The following NFIX variants were observed in gnomAD, a reference collection of about 807,000 sequenced individuals.
NFIX encodes the protein nuclear factor 1 X-type.
A neutral mutation model predicts 53.3 loss-of-function variants in NFIX; 2 were observed. The ratio of observed to expected loss-of-function variants is 0.04; its 90% CI spans 0.02 to 0.12. NFIX has a LOEUF of 0.12. Ranked by LOEUF, NFIX falls within the 10% of genes least tolerant of loss-of-function variation. The pLI is 1.00. For synonymous variants in NFIX, 244 were observed against 289.0 expected (o/e 0.84, Z 1.58); for missense variants, 310 against 674.5 (o/e 0.46, Z 5.99).
chr19:13,016,107 T>TA (rs1195257820), intron 1 of NFIX, among the ~76,000 whole-genome samples: 3 of 152,196 alleles, frequency 2.0e-5, no homozygotes, highest in African/African-American at 4.8e-5. Context: ...CGGCCTAACT[T>TA]ACAGTGTGTG....
In NFIX at chr19:13,001,717, T is replaced by TC. The variant is rs2011708514; in HGVS notation, c.27+5857dup. 1.3e-5 allele frequency among the ~76,000 whole-genome samples: 2 copies of TC among 152,292 alleles called. No individual in the cohort carries two copies. The highest frequency in any genetic ancestry group is 4.8e-5 in the African/African-American group (2 of 41,568). ...CATATCACTGTGCCTCCTGAGCTTG[T>TC]CCCCGTGACAATCACTGTGGGTCTC... On this transcript the variant is annotated intron_variant, in intron 1 of 10. Transcript: ENST00000592199. This position sits in a 1 kb window ranked among gnomAD's most constrained non-coding sequence, Gnocchi z 6.5.
rs138954003 is a variant in NFIX at position 13,040,658 on chromosome 19, C to T, written c.559+15106C>T. On this transcript the variant is annotated intron_variant, in intron 2 of 10. Coordinates refer to ENST00000592199, the MANE Select transcript of NFIX (RefSeq NM_001365902.3). This position sits in a 1 kb window ranked among gnomAD's most constrained non-coding sequence, Gnocchi z 4.2. ...GGCCTCTCGGGTCAGAGATGACTGC[C>T]GTCCTCCAGCTGGTACATGTGCTTG... 6.6e-6 allele frequency among the ~76,000 whole-genome samples: 1 copy of T among 152,272 alleles called. No homozygotes were observed. Among genetic ancestry groups the T allele is most frequent in the African/African-American group, 2.4e-5 (1 of 41,548 alleles).
intron 2 of NFIX, among the ~76,000 whole-genome samples, chr19:13,069,375 CAG>C (rs1300376601): frequency 6.6e-6 from 1 of 152,200 alleles, no homozygotes; most frequent in East Asian, 1.9e-4. Flanking sequence ...CGGCCGATGA[CAG>C]AGGATAAAAG....
rs2017992915 is a variant in NFIX at position 13,089,271 on chromosome 19, TG to T, written c.1403-1025del. ...CAGAATCTGGTGAGCATGGAGTCCC[TG>T]GGTGTGTCTGGTGCAGGGCAGCGGC... On this transcript the variant is annotated intron_variant, in intron 9 of 10. Transcript: ENST00000592199. This position sits in a 1 kb window ranked among gnomAD's most constrained non-coding sequence, Gnocchi z 4.8. Among the ~76,000 whole-genome samples, 1 of 152,146 alleles carries T rather than the reference TG, an allele frequency of 6.6e-6. No individual in the cohort carries two copies. The highest frequency in any genetic ancestry group is 1.5e-5 in the Non-Finnish European group (1 of 68,008).
rs1411928124 is a variant in NFIX, at chr19:13,088,745, C to G, written c.1402+609C>G. ...CCCCCCCTTCCATCCCTCTCCCGTC[C>G]CTTCTCCGCAATTCCTTTCCCAGGT... On this transcript the variant is annotated intron_variant, in intron 9 of 10. Transcript: ENST00000592199. This position sits in a 1 kb window ranked among gnomAD's most constrained non-coding sequence, Gnocchi z 5.9. Among the ~76,000 whole-genome samples the G allele has an allele frequency of 6.6e-6, 1 of 152,064 alleles. No homozygotes were observed. Among genetic ancestry groups the G allele is most frequent in the Non-Finnish European group, 1.5e-5 (1 of 68,016 alleles).
intron 1 of NFIX, among the ~76,000 whole-genome samples, chr19:13,023,583 G>A (rs1397637751): frequency 6.6e-6 from 1 of 151,664 alleles, no homozygotes; most frequent in Non-Finnish European, 1.5e-5. Flanking sequence ...TTGGTTGTGG[G>A]GAGATGGTGG....
chr19:13,024,086 T>G (rs2145186707), intron 1 of NFIX: 1 of 1,017,636 alleles, frequency 9.8e-7, no homozygotes, highest in East Asian at 2.7e-5. Context: ...AATCAATTAT[T>G]ATTTAAACTT....
intron 10 of NFIX, among the ~76,000 whole-genome samples, chr19:13,092,001 A>G (rs1489079466): frequency 3.3e-5 from 5 of 152,202 alleles, no homozygotes; most frequent in African/African-American, 4.8e-5. Flanking sequence ...AAGGAGTCCC[A>G]GCGGGGGTCC....
At chr19:13,015,029 C>G (rs964593635) in intron 1 of NFIX, among the ~76,000 whole-genome samples, 5 of 152,136 alleles carry the variant, frequency 3.3e-5, no homozygotes, top group African/African-American at 1.2e-4. Context: ...GGGGTTAGTG[C>G]CCACAGGCGC....
At chr19:13,071,567 C>A (rs895172387) in intron 2 of NFIX, among the ~76,000 whole-genome samples, 1 of 152,190 alleles carries the variant, frequency 6.6e-6, no homozygotes, top group Non-Finnish European at 1.5e-5. Flanking sequence ...GAAGTATATC[C>A]TTCCATATTA....
intron 2 of NFIX, among the ~76,000 whole-genome samples, chr19:13,044,037 C>T (rs1290764213): frequency 1.3e-5 from 2 of 152,170 alleles, no homozygotes; most frequent in African/African-American, 4.8e-5. Flanking sequence ...CCCATGGAAG[C>T]GTAAGTGTCT....
Position 13,081,916 on chromosome 19 carries a change from C to T in NFIX, c.1254+61C>T. 6.3e-7 allele frequency: 1 copy of T among 1,584,102 alleles called. No individual in the cohort carries two copies. Among genetic ancestry groups the T allele is most frequent in the Non-Finnish European group, 8.6e-7 (1 of 1,161,218 alleles). On this transcript the variant is annotated intron_variant, in intron 8 of 10. Coordinates refer to ENST00000592199, the MANE Select transcript of NFIX (RefSeq NM_001365902.3). The surrounding 1 kb of genome is among the most constrained non-coding windows in gnomAD (Gnocchi z 4.7). Reference sequence around the variant, plus strand: ...CTCATCTCCACATCTATCTGTCTGTCTCAGGGCTCACAGGGAGAGGGCCCA... The same window carrying T: ...CTCATCTCCACATCTATCTGTCTGTTTCAGGGCTCACAGGGAGAGGGCCCA...
intron 2 of NFIX, among the ~76,000 whole-genome samples, chr19:13,065,118 C>T (rs1166079837): frequency 6.6e-6 from 1 of 152,068 alleles, no homozygotes; most frequent in Non-Finnish European, 1.5e-5. Flanking sequence ...CAGCATGCCC[C>T]CTTCGGCCCC....
chr19:13,004,395 C>T (rs554320812), intron 1 of NFIX, among the ~76,000 whole-genome samples: 2 of 152,250 alleles, frequency 1.3e-5, no homozygotes, highest in South Asian at 4.1e-4. Flanking sequence ...CATATATACC[C>T]CATTTCCCCT....
At chr19:13,065,046 T>TC (rs35809274) in intron 2 of NFIX, among the ~76,000 whole-genome samples, 148,646 of 152,270 alleles carry the variant, frequency 0.98, 72,581 homozygotes, top group East Asian at 1. Context: ...GGATGTGAAT[T>TC]GGGGGAGCCT....
At position 13,067,202 on chromosome 19, in the gene NFIX, GC is replaced by G. The variant is rs965416710; in HGVS notation, c.560-5842del. Among the ~76,000 whole-genome samples the G allele has an allele frequency of 7.9e-5, 12 of 152,218 alleles. No individual in the cohort carries two copies. The highest frequency in any genetic ancestry group is 7.3e-5 in the Non-Finnish European group (5 of 68,030). On this transcript the variant is annotated intron_variant, in intron 2 of 10. Transcript: ENST00000592199. This position sits in a 1 kb window ranked among gnomAD's most constrained non-coding sequence, Gnocchi z 4.2. ...AGTGATTGGCCCCAGAATCGCATCA[GC>G]CCTTCAGAGGATGGGGTGTTGCAGC... is the stretch of plus-strand genomic sequence containing the variant.
rs192358476 is a variant in NFIX at position 12,996,169 on chromosome 19, G to T, written c.27+305G>T. Among the ~76,000 whole-genome samples, 215 of 151,966 alleles carry T rather than the reference G, an allele frequency of 1.4e-3. 1 individual carries two copies. Among genetic ancestry groups the T allele is most frequent in the Non-Finnish European group, 2.4e-3 (166 of 67,894 alleles). Reference sequence around the variant, plus strand: ...TGTGTGTGTGTGTGTGTGTGTGTGTGTGCGCGCTCGACTGGGGTGCGATGG... The same window carrying T: ...TGTGTGTGTGTGTGTGTGTGTGTGTTTGCGCGCTCGACTGGGGTGCGATGG... On this transcript the variant is annotated intron_variant, in intron 1 of 10. Coordinates refer to ENST00000592199, the MANE Select transcript of NFIX (RefSeq NM_001365902.3). This position sits in a 1 kb window ranked among gnomAD's most constrained non-coding sequence, Gnocchi z 5.2.
At chr19:13,063,441 A>G (rs932028980) in intron 2 of NFIX, among the ~76,000 whole-genome samples, 15 of 151,328 alleles carry the variant, frequency 9.9e-5, no homozygotes, top group Non-Finnish European at 2.2e-4. Flanking sequence ...TGTGCACACA[A>G]AGCCACTCTT....
Position 13,012,167 on chromosome 19 carries a change from A to T in NFIX, c.28-12854A>T, listed in dbSNP as rs1481740579. On this transcript the variant is annotated intron_variant, in intron 1 of 10. Coordinates refer to ENST00000592199, the MANE Select transcript of NFIX (RefSeq NM_001365902.3). This position sits in a 1 kb window ranked among gnomAD's most constrained non-coding sequence, Gnocchi z 5.0. ...GGGAAGCGGCGCTTCGAGGCCCCGG[A>T]TGTCAGACGCGACCTGTGTGGCATG... 1 of 152,184 alleles carries T rather than the reference A, an allele frequency of 6.6e-6. No individual in the cohort carries two copies. Among genetic ancestry groups the T allele is most frequent in the African/African-American group, 2.4e-5 (1 of 41,418 alleles). 9.4% of individuals were successfully genotyped at this position (152,184 alleles called of 1,614,324 possible). A position where few individuals can be genotyped will look rare whatever the true frequency, so the allele number is the denominator to read the frequency against.
Sources: gnomAD v4.1 joint callset for allele counts (sites outside exome capture counted in the v4.1 genomes callset) on GRCh38, gnomAD v4.1.1 for gene constraint, Gnocchi (gnomAD v3.1) non-coding constraint, MANE v1.5 for transcripts, NCBI Gene and HGNC (gene_info 2026-07-23, HGNC 2026-07-21) for gene names.